Variants in ADAMTS19 observed in about 807,000 individuals in gnomAD.
ADAMTS19 encodes ADAM metallopeptidase with thrombospondin type 1 motif 19.
In ADAMTS19, 93 loss-of-function variants were observed where a neutral mutation model predicts 153.3. The observed-to-expected ratio is 0.61, with a 90% CI of 0.51 to 0.72. The LOEUF (loss-of-function observed/expected upper bound fraction) is 0.72, where lower values mean the gene tolerates loss of function less well. ADAMTS19 is among the 30% of genes least tolerant of loss of function. The pLI is 0.00. For missense variants in ADAMTS19, 1,482 were observed against 1,552.1 expected, an observed-to-expected ratio of 0.95 and a Z score of 0.76; for synonymous variants, 600 against 556.6, an observed-to-expected ratio of 1.08 and a Z score of -1.10.
At chr5:129,520,041 C>T (rs1466624381) in intron 3 of ADAMTS19, among the ~76,000 whole-genome samples, 2 of 151,988 alleles carry the variant, frequency 1.3e-5, no homozygotes, top group East Asian at 1.9e-4. Context: ...TTACTGAGGC[C>T]GGGACCCAAG....
Position 129,528,727 on chromosome 5 carries a change from C to A in ADAMTS19, c.1328+50C>A, listed in dbSNP as rs756839803. On this transcript the variant is annotated intron_variant, in intron 6 of 22. Coordinates refer to ENST00000274487, the MANE Select transcript of ADAMTS19 (RefSeq NM_133638.6). ...TGGCATTCCTAATTCAATCACTGCA[C>A]TGTTGATCCCATTAATCCCTTAATA... The A allele has an allele frequency of 3.5e-6, 5 of 1,409,774 alleles. No individual in the cohort carries two copies. In the African/African-American group the frequency reaches 4.5e-5, roughly 13 times the overall value. 87.3% of individuals were successfully genotyped at this position (1,409,774 alleles called of 1,614,324 possible).
chr5:129,622,213 C>A lies in ADAMTS19; in HGVS notation c.1635C>A (p.Asn545Lys), dbSNP rs1751806917. ...CTATTGCCAGGTCAAAGGCCAGTAA[C>A]TGCTTGCTACAAACAAATCCGCAGA... is the stretch of plus-strand genomic sequence containing the variant. ...LERFLRSKAS[N>K]CLLQTNPQSV... The change falls in exon 10 of 23, where the codon AAC becomes AAA. Residue 545 changes from asparagine to lysine, a missense_variant. Asn to Lys is a moderately conservative substitution (Grantham distance 94). Around this residue, in one of 2 missense-constraint regions of ADAMTS19, gnomAD observed 866 missense variants for 827.7 expected, o/e 1.05. Coordinates refer to ENST00000274487, the MANE Select transcript of ADAMTS19 (RefSeq NM_133638.6). 1 of 1,613,938 alleles carries A rather than the reference C, an allele frequency of 6.2e-7. No individual in the cohort carries two copies. The highest frequency in any genetic ancestry group is 8.5e-7 in the Non-Finnish European group (1 of 1,179,974).
chr5:129,525,765 G>T (rs558049360), intron 3 of ADAMTS19, among the ~76,000 whole-genome samples: 15 of 152,080 alleles, frequency 9.9e-5, no homozygotes, highest in African/African-American at 3.6e-4. Context: ...GCTTCTGTAA[G>T]ATCCTGATGG....
At chr5:129,618,625 T>C (rs1334645556) in intron 8 of ADAMTS19, among the ~76,000 whole-genome samples, 1 of 152,000 alleles carries the variant, frequency 6.6e-6, no homozygotes, top group Non-Finnish European at 1.5e-5. Flanking sequence ...ACATAGATAC[T>C]CTCATTGTAA....
chr5:129,579,074 C>T (rs563261630), intron 7 of ADAMTS19, among the ~76,000 whole-genome samples: 2 of 152,322 alleles, frequency 1.3e-5, no homozygotes, highest in South Asian at 4.1e-4. Flanking sequence ...TAAAAGCATT[C>T]CTGTTTCTCC....
chr5:129,695,608 T>C (rs1755518050), intron 19 of ADAMTS19, among the ~76,000 whole-genome samples: 1 of 152,190 alleles, frequency 6.6e-6, no homozygotes. Flanking sequence ...TTGGCATGGC[T>C]GCCAACACAG....
intron 3 of ADAMTS19, 65 bp from the exon 4 acceptor site, chr5:129,526,219 T>A: frequency 7.5e-7 from 1 of 1,329,674 alleles, no homozygotes; most frequent in Admixed American, 2.9e-5. Context: ...CATTATTAAA[T>A]ATGTTTAATA....
At chr5:129,566,061 CA>C (rs1753693936) in intron 7 of ADAMTS19, among the ~76,000 whole-genome samples, 1 of 151,988 alleles carries the variant, frequency 6.6e-6, no homozygotes, top group Non-Finnish European at 1.5e-5. Context: ...TATTACATGA[CA>C]AAATATAGAA....
chr5:129,627,265 G>T (rs537201232), intron 10 of ADAMTS19, among the ~76,000 whole-genome samples: 2 of 152,014 alleles, frequency 1.3e-5, no homozygotes. Flanking sequence ...ATAAAATGCC[G>T]AAGTATATTG....
chr5:129,617,033 T>C (rs1751563864), intron 8 of ADAMTS19, among the ~76,000 whole-genome samples: 1 of 152,020 alleles, frequency 6.6e-6, no homozygotes, highest in Admixed American at 6.6e-5. Flanking sequence ...GAAGTCATGA[T>C]AATAGATACA....
chr5:129,529,790 TG>T (rs1752134912), intron 6 of ADAMTS19, among the ~76,000 whole-genome samples: 1 of 152,134 alleles, frequency 6.6e-6, no homozygotes, highest in Non-Finnish European at 1.5e-5. Flanking sequence ...TGGCAAGGGC[TG>T]GTCTGAAGAT....
intron 2 of ADAMTS19, among the ~76,000 whole-genome samples, chr5:129,504,543 T>G (rs1162886047): frequency 6.6e-6 from 1 of 152,164 alleles, no homozygotes; most frequent in Non-Finnish European, 1.5e-5. Context: ...TCTTGACAAT[T>G]TTCAAATATA....
In ADAMTS19 at chr5:129,472,537, C is replaced by T. The variant is rs148330014; in HGVS notation, c.747+10780C>T. On this transcript the variant is annotated intron_variant, in intron 2 of 22. Coordinates refer to ENST00000274487, the MANE Select transcript of ADAMTS19 (RefSeq NM_133638.6). Reference sequence around the variant, plus strand: ...ATGGATTTAAAATTATTAATCAACACGTTATACATGTGAACTAGTTGGAAG... The same window carrying T: ...ATGGATTTAAAATTATTAATCAACATGTTATACATGTGAACTAGTTGGAAG... Among the ~76,000 whole-genome samples, 435 of 152,224 alleles carry T rather than the reference C, an allele frequency of 2.9e-3. 1 individual carries two copies. The highest frequency in any genetic ancestry group is 0.01 in the African/African-American group (420 of 41,552).
chr5:129,604,255 A>G (rs1180374845), intron 8 of ADAMTS19, among the ~76,000 whole-genome samples: 1 of 152,148 alleles, frequency 6.6e-6, no homozygotes, highest in Admixed American at 6.5e-5. Flanking sequence ...CTTAAAAAAT[A>G]CCATGTTCCT....
intron 7 of ADAMTS19, among the ~76,000 whole-genome samples, chr5:129,553,506 T>C (rs1274513925): frequency 6.6e-6 from 1 of 152,172 alleles, no homozygotes; most frequent in Non-Finnish European, 1.5e-5. Context: ...AGCAATTTAT[T>C]GAATCTTTGG....
rs573776904 is a variant in ADAMTS19, at chr5:129,573,258, T to A, written c.1372+21351T>A. On this transcript the variant is annotated intron_variant, in intron 7 of 22. Transcript: ENST00000274487. ...TGCAGATTTTAGTGAGTTTCTGTGT[T>A]CAAATACATTGTTTTAGAAATTCCA... Among the ~76,000 whole-genome samples the A allele has an allele frequency of 2.0e-5, 3 of 152,236 alleles. No homozygotes were observed. The South Asian group carries it at 6.2e-4, about 31-fold the overall frequency.
chr5:129,541,789 T>A (rs72789090), intron 6 of ADAMTS19, among the ~76,000 whole-genome samples: 9,075 of 152,118 alleles, frequency 0.06, 434 homozygotes, highest in African/African-American at 0.13. Context: ...GTATAGGCAG[T>A]ACACTACACA....
rs1754722190 is a variant in ADAMTS19 at position 129,679,906 on chromosome 5, A to C, written c.2649A>C (p.Ala883=). 1 of 1,613,020 alleles carries C rather than the reference A, an allele frequency of 6.2e-7. No individual in the cohort carries two copies. Among genetic ancestry groups the C allele is most frequent in the Non-Finnish European group, 8.5e-7 (1 of 1,179,684 alleles). Residue 883 remains alanine, a synonymous_variant, in exon 17 of 23, where the codon GCA becomes GCC. Transcript: ENST00000274487. ...TCTCTGCCAAAGGTCCTACTACAGCACCTTTACATCTTCTGGTATGAGGGA... is the reference window on the plus strand; with the variant it reads ...TCTCTGCCAAAGGTCCTACTACAGCCCCTTTACATCTTCTGGTATGAGGGA... The part of the protein sequence containing the change: ...EKISAKGPTT[A]PLHLLVLLFQ...
At chr5:129,589,643 C>A (rs1011984822) in intron 7 of ADAMTS19, among the ~76,000 whole-genome samples, 1 of 152,012 alleles carries the variant, frequency 6.6e-6, no homozygotes, top group Non-Finnish European at 1.5e-5. Flanking sequence ...TGTGGTGGCC[C>A]AGTAAATGTG....
Sources: gnomAD v4.1 joint callset for allele counts (sites outside exome capture counted in the v4.1 genomes callset) on GRCh38, gnomAD v4.1.1 for gene constraint, gnomAD v4.1.1 regional missense constraint, MANE v1.5 for transcripts, NCBI Gene and HGNC (gene_info 2026-07-23, HGNC 2026-07-21) for gene names.